The following UBN2 variants were observed in gnomAD, a reference collection of about 807,000 sequenced individuals.
UBN2 encodes ubinuclein-2.
A neutral mutation model predicts 120.2 loss-of-function variants in UBN2; 35 were observed. That is an observed-to-expected ratio of 0.29 (90% confidence interval 0.22 to 0.39). The LOEUF (loss-of-function observed/expected upper bound fraction) is 0.39, where lower values mean the gene tolerates loss of function less well. Among genes scored for constraint, UBN2 ranks in the 10% least tolerant of loss-of-function variants. The pLI is 1.00. For missense variants in UBN2, 1,693 were observed against 1,663.2 expected (o/e 1.02, Z -0.31); for synonymous variants, 661 against 648.7 (o/e 1.02, Z -0.29).
Position 139,258,587 on chromosome 7 carries a change from G to A in UBN2, c.763G>A (p.Asp255Asn). 1 of 1,606,582 alleles carries A rather than the reference G, an allele frequency of 6.2e-7. No homozygotes were observed. Among genetic ancestry groups the A allele is most frequent in the Non-Finnish European group, 8.5e-7 (1 of 1,175,830 alleles). Reference sequence around the variant, plus strand: ...TCGCCAAGCTTCAGATACTGAAGAAGATGATATTACAGACAACCAAAAGCA... The same window carrying A: ...TCGCCAAGCTTCAGATACTGAAGAAAATGATATTACAGACAACCAAAAGCA... ...QFRQASDTEE[D>N]DITDNQKHKP... The change falls in exon 4 of 18, where the codon GAT becomes AAT. Residue 255 changes from aspartate to asparagine, a missense_variant. Physicochemically the swap from Asp to Asn is conservative, Grantham distance 23 (BLOSUM62 1). Transcript: ENST00000473989.
chr7:139,272,476 T>C (rs1164688146), intron 9 of UBN2, 36 bp downstream of exon 9: 1 of 1,490,620 alleles, frequency 6.7e-7, no homozygotes. Context: ...GCTTTTGCAT[T>C]TGAGAAGTGT....
At chr7:139,295,689 G>A (rs189946896) in intron 17 of UBN2, among the ~76,000 whole-genome samples, 3 of 152,326 alleles carry the variant, frequency 2.0e-5, no homozygotes, top group South Asian at 4.1e-4. Flanking sequence ...GGAGGCCAAG[G>A]CAGGCGGATG....
chr7:139,233,672 C>G (rs190596851), intron 1 of UBN2, among the ~76,000 whole-genome samples: 1 of 152,078 alleles, frequency 6.6e-6, no homozygotes, highest in African/African-American at 2.4e-5. Flanking sequence ...AGGATTCTGC[C>G]AAAATGACGT....
At chr7:139,315,283 A>T in the UBN2 span, 2 of 152,144 alleles carry the variant, frequency 1.3e-5, no homozygotes, top group African/African-American at 4.8e-5. Flanking sequence ...GAGATATAAT[A>T]TTTTTTAAAA....
intron 6 of UBN2, among the ~76,000 whole-genome samples, chr7:139,261,984 C>T (rs1203482901): frequency 3.9e-4 from 57 of 146,852 alleles, no homozygotes; most frequent in African/African-American, 1.3e-3. Flanking sequence ...GGGGTTTCAC[C>T]GTGTTAGCCA....
rs1798207536 is a variant in UBN2, at chr7:139,299,632, T to G, written c.*1796T>G. The stretch of plus-strand genomic sequence containing the variant: ...GATATAATTTCTTGACTCTAAGAAT[T>G]TAGTTTATCAATAAAACAAATATGG... On this transcript the variant is annotated 3_prime_UTR_variant, in exon 18 of 18. Transcript: ENST00000473989. 6.6e-6 allele frequency: 1 copy of G among 152,328 alleles called. No individual in the cohort carries two copies. Among genetic ancestry groups the G allele is most frequent in the Non-Finnish European group, 1.5e-5 (1 of 68,010 alleles). 9.4% of individuals were successfully genotyped at this position (152,328 alleles called of 1,614,324 possible).
At chr7:139,290,096 T>A (rs919820112) in intron 15 of UBN2, among the ~76,000 whole-genome samples, 1 of 152,032 alleles carries the variant, frequency 6.6e-6, no homozygotes, top group Non-Finnish European at 1.5e-5. Context: ...TTATTGTAAT[T>A]TTGTATTTTT....
chr7:139,266,531 A>G (rs1470551025), intron 7 of UBN2, 128 bp downstream of exon 7: 9 of 497,622 alleles, frequency 1.8e-5, no homozygotes, highest in Admixed American at 1.1e-4. Flanking sequence ...TACAGCATGT[A>G]TGATTCACAT....
intron 7 of UBN2, among the ~76,000 whole-genome samples, chr7:139,266,909 G>A (rs1424906084): frequency 1.3e-5 from 2 of 152,158 alleles, no homozygotes; most frequent in Non-Finnish European, 2.9e-5. Context: ...AGAGGAGATA[G>A]CAGTTAGATT....
chr7:139,312,486 T>G (rs1182816547), downstream of UBN2, among the ~76,000 whole-genome samples: 1 of 152,212 alleles, frequency 6.6e-6, no homozygotes, highest in African/African-American at 2.4e-5. Flanking sequence ...AACAAGGTGA[T>G]AGTTAGTCTT....
rs755231288 is a variant in UBN2, at chr7:139,306,928, C to T, written c.*9092C>T. The T allele has an allele frequency of 2.0e-5, 3 of 152,102 alleles. No individual in the cohort carries two copies. The highest frequency in any genetic ancestry group is 1.9e-4 in the East Asian group (1 of 5,190). The allele number at this position is 152,102 out of a possible 1,614,324, so 9.4% of individuals were successfully genotyped here. A position where few individuals can be genotyped will look rare whatever the true frequency, so the allele number is the denominator to read the frequency against. On this transcript the variant is annotated 3_prime_UTR_variant, in exon 18 of 18. Transcript: ENST00000473989. ...CATTTGCAGTTGTAAAAATGATTAC[C>T]GAACTCCAGACCTATTTGCTATAAC...
At chr7:139,256,451 G>A (rs1796768756) in intron 3 of UBN2, among the ~76,000 whole-genome samples, 1 of 152,090 alleles carries the variant, frequency 6.6e-6, no homozygotes, top group African/African-American at 2.4e-5. Context: ...CACTGACTTT[G>A]CCATAAACAT....
chr7:139,266,596 G>C (rs1441690811), intron 7 of UBN2, among the ~76,000 whole-genome samples, 193 bp downstream of exon 7: 1 of 152,148 alleles, frequency 6.6e-6, no homozygotes, highest in Non-Finnish European at 1.5e-5. Flanking sequence ...GGACCACTTA[G>C]GATAATCAAA....
At chr7:139,265,768 C>T (rs766530356) in intron 6 of UBN2, among the ~76,000 whole-genome samples, 6 of 152,064 alleles carry the variant, frequency 3.9e-5, no homozygotes, top group Non-Finnish European at 7.4e-5. Flanking sequence ...CGGCTGTGTC[C>T]AAAGAATGCT....
At position 139,304,706 on chromosome 7, in the gene UBN2, G is replaced by GGGGTGTGTGT. The variant is rs1554480228; in HGVS notation, c.*6871_*6872insGGTGTGTGTG. 2.6e-4 allele frequency: 36 copies of GGGGTGTGTGT among 140,482 alleles called. No homozygotes were observed. The highest frequency in any genetic ancestry group is 9.2e-4 in the African/African-American group (35 of 38,134). 8.7% of individuals were successfully genotyped at this position (140,482 alleles called of 1,614,324 possible). ...AGGTCCACTGAATCTCTAATGATAG[G>GGGGTGTGTGT]GTGTGTGTGTGTGTGTGTGTGTGTG... On this transcript the variant is annotated 3_prime_UTR_variant, in exon 18 of 18. Coordinates refer to ENST00000473989, the MANE Select transcript of UBN2 (RefSeq NM_173569.4).
intron 13 of UBN2, among the ~76,000 whole-genome samples, chr7:139,281,360 T>G (rs1797602750): frequency 6.6e-6 from 1 of 152,080 alleles, no homozygotes; most frequent in Admixed American, 6.6e-5. Flanking sequence ...CAAAAGAAAA[T>G]GCAAATAACC....
chr7:139,283,036 A>G lies in UBN2; in HGVS notation c.2131A>G (p.Lys711Glu). 2.5e-6 allele frequency: 4 copies of G among 1,595,048 alleles called. No individual in the cohort carries two copies. The highest frequency in any genetic ancestry group is 1.8e-5 in the Admixed American group (1 of 55,198). ...FPTMLKECSP[K>E]KDQKTPTSLV... ...TGCTTTACATTAGGAGTGTAGTCCA[A>G]AAAAGGACCAGAAAACTCCAACATC... The change falls in exon 15 of 18, where the codon AAA (lysine) becomes GAA (glutamate). Residue 711 changes from lysine (K) to glutamate (E), a missense_variant. Transcript: ENST00000473989.
At chr7:139,308,242 G>C (rs551736637), downstream of UBN2, 5 of 152,020 alleles carry the variant, frequency 3.3e-5, no homozygotes, top group East Asian at 9.7e-4. Context: ...TACTATCCTC[G>C]TGTCTGTTGT....
intron 15 of UBN2, among the ~76,000 whole-genome samples, chr7:139,290,270 T>C (rs1797915657): frequency 6.6e-6 from 1 of 152,136 alleles, no homozygotes; most frequent in African/African-American, 2.4e-5. Context: ...CAGGATCTTT[T>C]CTTTCCCAGT....
Sources: gnomAD v4.1 joint callset for allele counts (sites outside exome capture counted in the v4.1 genomes callset) on GRCh38, gnomAD v4.1.1 for gene constraint, MANE v1.5 for transcripts, NCBI Gene and HGNC (gene_info 2026-07-23, HGNC 2026-07-21) for gene names.